Variants in FILIP1L observed in about 807,000 individuals in gnomAD.
FILIP1L encodes the protein filamin A-interacting protein 1-like.
Under a neutral mutation model 96.6 loss-of-function variants are expected in FILIP1L, and 55 were observed. The observed-to-expected ratio is 0.57, with a 90% CI of 0.46 to 0.71. The LOEUF (loss-of-function observed/expected upper bound fraction) is 0.71. FILIP1L is among the 30% of genes least tolerant of loss of function. The probability of loss-of-function intolerance (pLI) is 0.00; values close to 1 mark genes in which losing one functional copy is unlikely to be tolerated. For missense variants in FILIP1L, 1,304 were observed against 1,321.2 expected, an observed-to-expected ratio of 0.99 and a Z score of 0.20; for synonymous variants, 467 against 473.9, an observed-to-expected ratio of 0.99 and a Z score of 0.19.
chr3:99,924,249 G>A lies in FILIP1L; in HGVS notation c.586C>T (p.Leu196=). 2 of 1,613,682 alleles carry A rather than the reference G, an allele frequency of 1.2e-6. No homozygotes were observed. Among genetic ancestry groups the A allele is most frequent in the Non-Finnish European group, 1.7e-6 (2 of 1,179,898 alleles). The change falls in exon 4 of 6, where the codon CTA becomes TTA. Residue 196 remains leucine, a synonymous_variant. Coordinates refer to ENST00000477258, the MANE Select transcript of FILIP1L (RefSeq NM_001387850.1). ...MEKSDEFICL[L]EQECERLKKL... is the part of the protein sequence containing the mutation. ...CCTTACCTTTCACATTCCTGTTCTA[G>A]TAGGCATATGAATTCATCACTCTTC...
At chr3:99,960,897 T>C (rs909389494) in intron 1 of FILIP1L, among the ~76,000 whole-genome samples, 1 of 152,358 alleles carries the variant, frequency 6.6e-6, no homozygotes, top group Admixed American at 6.5e-5. Flanking sequence ...CTCTGTGTGT[T>C]TGGCAGACCA....
At chr3:99,899,858 A>T (rs998095281) in intron 4 of FILIP1L, among the ~76,000 whole-genome samples, 22 of 152,140 alleles carry the variant, frequency 1.4e-4, no homozygotes, top group African/African-American at 5.3e-4. Context: ...TACCTTCCTC[A>T]TAGGGTTGTT....
chr3:99,916,437 TACACACACACAC>T (rs10529210), intron 4 of FILIP1L, among the ~76,000 whole-genome samples: 16,655 of 137,124 alleles, frequency 0.12, 1,131 homozygotes, highest in Non-Finnish European at 0.17. Context: ...TAACGGTTTA[TACACACACACAC>T]ACACACACAC....
At chr3:100,098,605 G>T (rs1576057663) in intron 1 of FILIP1L, among the ~76,000 whole-genome samples, 2 of 152,274 alleles carry the variant, frequency 1.3e-5, no homozygotes, top group South Asian at 4.1e-4. Flanking sequence ...GTACATGCAA[G>T]GAAGTTATTT....
intron 1 of FILIP1L, among the ~76,000 whole-genome samples, chr3:100,035,027 T>A (rs1259921527): frequency 1.3e-5 from 2 of 152,138 alleles, no homozygotes; most frequent in Non-Finnish European, 2.9e-5. Context: ...GCTAGGGGGT[T>A]CTCTCCAGAT....
chr3:99,832,276 A>G (rs1942697421), intron 5 of FILIP1L, among the ~76,000 whole-genome samples: 3 of 147,236 alleles, frequency 2.0e-5, no homozygotes, highest in South Asian at 2.2e-4. Flanking sequence ...TATCACCCAG[A>G]CTGGAGTGCA....
At chr3:100,005,483 A>G (rs1709962131) in intron 1 of FILIP1L, among the ~76,000 whole-genome samples, 1 of 152,236 alleles carries the variant, frequency 6.6e-6, no homozygotes, top group Non-Finnish European at 1.5e-5. Context: ...CTATATTTAT[A>G]GCATCCCTGA....
At chr3:99,832,710 G>A (rs1180262181) in intron 5 of FILIP1L, among the ~76,000 whole-genome samples, 1 of 96,874 alleles carries the variant, frequency 1.0e-5, no homozygotes, top group Non-Finnish European at 2.0e-5. Flanking sequence ...GCGTCGTGGC[G>A]CACTCCTGTA....
chr3:99,857,256 T>A (rs1257879910), intron 4 of FILIP1L, among the ~76,000 whole-genome samples: 1 of 152,266 alleles, frequency 6.6e-6, no homozygotes, highest in Admixed American at 6.5e-5. Context: ...GGGTTTCCCA[T>A]CAGTGTTCTC....
chr3:100,017,151 A>G (rs911604880), intron 1 of FILIP1L, among the ~76,000 whole-genome samples: 4 of 152,248 alleles, frequency 2.6e-5, no homozygotes, highest in African/African-American at 9.6e-5. Context: ...ATCAAAAATC[A>G]GAATTTATAA....
chr3:100,033,583 A>G (rs2065056614), intron 1 of FILIP1L, among the ~76,000 whole-genome samples: 1 of 152,164 alleles, frequency 6.6e-6, no homozygotes, highest in South Asian at 2.1e-4. Context: ...CCTCAACTGC[A>G]CTCTTAAATT....
Position 99,860,243 on chromosome 3 carries a change from A to G in FILIP1L, c.606-9173T>C, listed in dbSNP as rs1944176315. ...GGCTTTAGCTTGGTGTCAGAGGAAT[A>G]TATGGTAAAAATGGTATACTGTTAG... On this transcript the variant is annotated intron_variant, in intron 4 of 5. Coordinates refer to ENST00000477258, the MANE Select transcript of FILIP1L (RefSeq NM_001387850.1). Among the ~76,000 whole-genome samples the G allele has an allele frequency of 2.6e-5, 4 of 152,188 alleles. No individual in the cohort carries two copies. The South Asian group carries it at 8.3e-4, about 31-fold the overall frequency.
At chr3:100,025,803 A>T (rs2064909841) in intron 1 of FILIP1L, among the ~76,000 whole-genome samples, 1 of 152,174 alleles carries the variant, frequency 6.6e-6, no homozygotes, top group African/African-American at 2.4e-5. Flanking sequence ...GCTCTGCTGT[A>T]GTCGACCTCC....
intron 1 of FILIP1L, among the ~76,000 whole-genome samples, chr3:100,106,478 A>G (rs1389831050): frequency 6.6e-6 from 1 of 152,154 alleles, no homozygotes; most frequent in African/African-American, 2.4e-5. Context: ...GTGGCAGATG[A>G]TCTGGAGCCA....
intron 1 of FILIP1L, among the ~76,000 whole-genome samples, chr3:100,011,925 T>C (rs1273324068): frequency 2.0e-5 from 3 of 152,222 alleles, no homozygotes; most frequent in African/African-American, 7.2e-5. Context: ...CTTCCACTTT[T>C]AGTCACAGTT....
At chr3:99,851,745 T>G (rs193193058) in intron 4 of FILIP1L, among the ~76,000 whole-genome samples, 52 of 152,348 alleles carry the variant, frequency 3.4e-4, no homozygotes, top group Admixed American at 6.5e-4. Context: ...GTCACATTGC[T>G]TAGAAGTTAT....
At chr3:100,087,292 T>C (rs1386955353) in intron 1 of FILIP1L, among the ~76,000 whole-genome samples, 1 of 152,256 alleles carries the variant, frequency 6.6e-6, no homozygotes, top group Non-Finnish European at 1.5e-5. Context: ...CCAAAGTGAT[T>C]GTACTATTTT....
In FILIP1L at chr3:99,834,200, C is replaced by T. The variant is rs548768815; in HGVS notation, c.3382-3595G>A. On this transcript the variant is annotated intron_variant, in intron 5 of 5. Coordinates refer to ENST00000477258, the MANE Select transcript of FILIP1L (RefSeq NM_001387850.1). Reference sequence around the variant, plus strand: ...TGAAACTTTATCACTACAAGTTTTACGCTTTATACAGGAAAGGGTCTTTCA... The same window carrying T: ...TGAAACTTTATCACTACAAGTTTTATGCTTTATACAGGAAAGGGTCTTTCA... Among the ~76,000 whole-genome samples, 18 of 152,260 alleles carry T rather than the reference C, an allele frequency of 1.2e-4. No homozygotes were observed. In the South Asian group the frequency reaches 2.9e-3, roughly 25 times the overall value.
chr3:99,896,132 G>C (rs1706244333), intron 4 of FILIP1L, among the ~76,000 whole-genome samples: 1 of 152,164 alleles, frequency 6.6e-6, no homozygotes, highest in Non-Finnish European at 1.5e-5. Context: ...AGGGAAAACA[G>C]AAGTGTGAAT....
Sources: allele counts gnomAD v4.1 joint callset (sites outside exome capture counted in the v4.1 genomes callset), GRCh38; gene constraint gnomAD v4.1.1; transcripts MANE v1.5; gene names NCBI Gene and HGNC (gene_info 2026-07-23, HGNC 2026-07-21).